The following SYNPO2 variants were observed in gnomAD, a reference collection of about 807,000 sequenced individuals.
SYNPO2 encodes the protein synaptopodin 2.
In SYNPO2, 56 loss-of-function variants were observed where a neutral mutation model predicts 85.0. The ratio of observed to expected loss-of-function variants is 0.66; its 90% CI spans 0.53 to 0.82. SYNPO2 has a LOEUF of 0.82. Ranked by LOEUF, SYNPO2 falls within the 40% of genes least tolerant of loss-of-function variation. SYNPO2 has a pLI of 0.00. For missense variants in SYNPO2, 1,575 were observed against 1,534.2 expected (o/e 1.03, Z -0.44); for synonymous variants, 602 against 591.1 (o/e 1.02, Z -0.27).
intron 1 of SYNPO2, among the ~76,000 whole-genome samples, chr4:118,852,851 G>T (rs1270309781): frequency 6.6e-6 from 1 of 152,074 alleles, no homozygotes; most frequent in African/African-American, 2.4e-5. Context: ...ACCTACACAA[G>T]TACCCCTGAA....
At chr4:118,900,703 C>CTCTCTATATA (rs1277981772) in intron 1 of SYNPO2, among the ~76,000 whole-genome samples, 80 of 43,846 alleles carry the variant, frequency 1.8e-3, no homozygotes, top group East Asian at 4.6e-3. Flanking sequence ...CTCTCTCTCT[C>CTCTCTATATA]TATATATATA....
intron 1 of SYNPO2, among the ~76,000 whole-genome samples, chr4:118,923,888 C>CAA (rs35102295): frequency 6.4e-4 from 83 of 128,832 alleles, no homozygotes; most frequent in South Asian, 4.2e-3. Flanking sequence ...AGACTGCACT[C>CAA]AAAAAAAAAA....
chr4:119,020,576 A>G (rs1737685849), intron 1 of SYNPO2, among the ~76,000 whole-genome samples: 1 of 152,128 alleles, frequency 6.6e-6, no homozygotes. Flanking sequence ...TCTGCCTAAG[A>G]TTGGGTCTTG....
At chr4:118,865,456 T>C (rs1325999447) in intron 1 of SYNPO2, among the ~76,000 whole-genome samples, 1 of 152,210 alleles carries the variant, frequency 6.6e-6, no homozygotes, top group Non-Finnish European at 1.5e-5. Context: ...ATTAAAATCT[T>C]GTGGAGCATA....
Position 119,060,221 on chromosome 4 carries a change from TTCTC to T in SYNPO2, c.*2292_*2295del, listed in dbSNP as rs1739367720. On this transcript the variant is annotated 3_prime_UTR_variant, in exon 5 of 5. Coordinates refer to ENST00000307142, the MANE Select transcript of SYNPO2 (RefSeq NM_133477.3). ...ACTTACATGTTAGCATAAAACAGAC[TTCTC>T]TCTCATTGCATGCACTAGATCAATA... The T allele has an allele frequency of 6.6e-6, 1 of 152,178 alleles. No homozygotes were observed. 9.4% of individuals were successfully genotyped at this position (152,178 alleles called of 1,614,324 possible).
At chr4:118,946,134 T>G (rs1734495493) in intron 1 of SYNPO2, among the ~76,000 whole-genome samples, 2 of 151,758 alleles carry the variant, frequency 1.3e-5, no homozygotes, top group Admixed American at 6.6e-5. Flanking sequence ...AATGTCAGCA[T>G]CACATCATCA....
chr4:118,912,828 T>C (rs1423463065), intron 1 of SYNPO2, among the ~76,000 whole-genome samples: 1 of 152,184 alleles, frequency 6.6e-6, no homozygotes, highest in Non-Finnish European at 1.5e-5. Flanking sequence ...ACTCAGCAGT[T>C]ATAAAACAAT....
At chr4:118,984,791 G>C (rs1736154775) in intron 1 of SYNPO2, among the ~76,000 whole-genome samples, 1 of 152,110 alleles carries the variant, frequency 6.6e-6, no homozygotes, top group South Asian at 2.1e-4. Flanking sequence ...GCACATGACT[G>C]TTCTTATCTT....
chr4:118,919,823 C>T (rs1020848121), intron 1 of SYNPO2, among the ~76,000 whole-genome samples: 2 of 152,222 alleles, frequency 1.3e-5, no homozygotes, highest in Admixed American at 6.5e-5. Flanking sequence ...GAGTTGGCTA[C>T]AACCAGAGGC....
intron 1 of SYNPO2, among the ~76,000 whole-genome samples, chr4:118,906,342 A>G (rs1370012041): frequency 6.6e-6 from 1 of 152,220 alleles, no homozygotes; most frequent in Non-Finnish European, 1.5e-5. Context: ...CAAGAGCTTC[A>G]GTGGAAAGAC....
At chr4:119,029,711 C>T in intron 3 of SYNPO2, 134 bp from the exon 4 acceptor site, 1 of 828,206 alleles carries the variant, frequency 1.2e-6, no homozygotes, top group Non-Finnish European at 1.8e-6. Context: ...GTGTTGGATT[C>T]CTTCAAAATT....
chr4:118,856,202 A>G (rs1344535103), intron 1 of SYNPO2, among the ~76,000 whole-genome samples: 1 of 152,238 alleles, frequency 6.6e-6, no homozygotes, highest in Non-Finnish European at 1.5e-5. Flanking sequence ...TGCAAGTAAC[A>G]TATTCGGTGC....
chr4:118,942,652 G>A (rs1462011200), intron 1 of SYNPO2, among the ~76,000 whole-genome samples: 6 of 152,088 alleles, frequency 3.9e-5, no homozygotes, highest in Non-Finnish European at 5.9e-5. Context: ...GTCAGCCAAT[G>A]GTTCTTTACT....
At chr4:118,879,321 C>T (rs543757323) in intron 1 of SYNPO2, among the ~76,000 whole-genome samples, 9 of 152,302 alleles carry the variant, frequency 5.9e-5, no homozygotes, top group South Asian at 4.1e-4. Flanking sequence ...TTCCTTTTCC[C>T]TAGGCTCTGG....
intron 2 of SYNPO2, among the ~76,000 whole-genome samples, chr4:119,026,239 G>A (rs1250852598): frequency 6.6e-6 from 1 of 152,186 alleles, no homozygotes; most frequent in Non-Finnish European, 1.5e-5. Flanking sequence ...ACTTCATAAT[G>A]TCTAGACCAA....
At chr4:118,913,792 A>G (rs1230820954) in intron 1 of SYNPO2, among the ~76,000 whole-genome samples, 1 of 152,190 alleles carries the variant, frequency 6.6e-6, no homozygotes, top group Non-Finnish European at 1.5e-5. Context: ...ATTAACTCAA[A>G]GAACCAGGTT....
chr4:118,868,416 A>C (rs556506409), intron 1 of SYNPO2, among the ~76,000 whole-genome samples: 30 of 152,294 alleles, frequency 2.0e-4, no homozygotes, highest in African/African-American at 7.2e-4. Flanking sequence ...GCCTTTCAAA[A>C]AATTTTTACT....
At chr4:118,942,067 CT>C (rs1734333650) in intron 1 of SYNPO2, among the ~76,000 whole-genome samples, 2 of 152,072 alleles carry the variant, frequency 1.3e-5, no homozygotes, top group South Asian at 2.1e-4. Context: ...CTCACTAATG[CT>C]TGGTTTACAT....
Position 119,030,942 on chromosome 4 carries a change from A to T in SYNPO2, c.2167A>T (p.Thr723Ser). The T allele has an allele frequency of 6.2e-7, 1 of 1,614,198 alleles. No individual in the cohort carries two copies. The highest frequency in any genetic ancestry group is 8.5e-7 in the Non-Finnish European group (1 of 1,180,024). Residue 723 changes from threonine (T) to serine (S), a missense_variant, in exon 4 of 5, where the codon ACT (threonine) becomes TCT (serine). By Grantham distance (58) the Thr-to-Ser change is moderately conservative (BLOSUM62 1). Around this residue, in one of 3 missense-constraint regions of SYNPO2, gnomAD observed 1,508 missense variants for 1,446.8 expected, o/e 1.04. Coordinates refer to ENST00000307142, the MANE Select transcript of SYNPO2 (RefSeq NM_133477.3). Reference protein sequence around the residue: ...LLQNSEGKRGTGAGGDSGPEE... With the variant: ...LLQNSEGKRGSGAGGDSGPEE... ...TCAAAATTCAGAAGGCAAACGGGGC[A>T]CTGGAGCTGGAGGTGATTCCGGACC...
Sources: gnomAD v4.1 joint callset for allele counts (sites outside exome capture counted in the v4.1 genomes callset) on GRCh38, gnomAD v4.1.1 for gene constraint, gnomAD v4.1.1 regional missense constraint, MANE v1.5 for transcripts, NCBI Gene and HGNC (gene_info 2026-07-23, HGNC 2026-07-21) for gene names.